Variants in DCAF10 observed in about 807,000 individuals in gnomAD.
DCAF10 encodes the protein DDB1- and CUL4-associated factor 10.
In DCAF10, 19 loss-of-function variants were observed where a neutral mutation model predicts 51.9. That is an observed-to-expected ratio of 0.37 (90% CI 0.26 to 0.54). DCAF10 has a LOEUF of 0.54. Ranked by LOEUF, DCAF10 falls within the 20% of genes least tolerant of loss-of-function variation. The pLI is 0.87. For missense variants in DCAF10, 510 were observed against 730.6 expected (o/e 0.70, Z 3.48); for synonymous variants, 291 against 297.1 (o/e 0.98, Z 0.21).
chr9:37,867,429 G>A lies in DCAF10; in HGVS notation c.*5921G>A, dbSNP rs1306033230. 6.6e-6 allele frequency: 1 copy of A among 151,648 alleles called. No individual in the cohort carries two copies. Among genetic ancestry groups the A allele is most frequent in the African/African-American group, 2.4e-5 (1 of 41,252 alleles). 9.4% of individuals were successfully genotyped at this position (151,648 alleles called of 1,614,324 possible). ...TTTAAATTTCACTGCATCTTCAATTGCCCAACTGTGTTTCCTGATAAATTT... is the reference window on the plus strand; with the variant it reads ...TTTAAATTTCACTGCATCTTCAATTACCCAACTGTGTTTCCTGATAAATTT... On this transcript the variant is annotated 3_prime_UTR_variant, in exon 7 of 7. Transcript: ENST00000377724.
intron 3 of DCAF10, among the ~76,000 whole-genome samples, chr9:37,850,865 TA>T (rs1830625338): frequency 1.2e-5 from 1 of 85,086 alleles, no homozygotes. Flanking sequence ...TATATATATA[TA>T]TATATATATA....
intron 2 of DCAF10, among the ~76,000 whole-genome samples, chr9:37,838,019 T>C (rs1448607938): frequency 6.6e-6 from 1 of 151,010 alleles, no homozygotes; most frequent in Non-Finnish European, 1.5e-5. Flanking sequence ...CAAGACCCTG[T>C]CTCAAGAAAA....
At chr9:37,824,394 C>T (rs973126714) in intron 2 of DCAF10, among the ~76,000 whole-genome samples, 1 of 151,936 alleles carries the variant, frequency 6.6e-6, no homozygotes, top group Non-Finnish European at 1.5e-5. Context: ...AATTCAGACT[C>T]TTCTAGCAAA....
At chr9:37,852,466 T>C (rs922189735) in intron 3 of DCAF10, among the ~76,000 whole-genome samples, 5 of 152,032 alleles carry the variant, frequency 3.3e-5, no homozygotes, top group African/African-American at 1.2e-4. Flanking sequence ...GGAGTGGTGG[T>C]GCACACCTGT....
chr9:37,861,846 CTCTT>C lies in DCAF10; in HGVS notation c.*344_*347del, dbSNP rs986228118. 2.5e-5 allele frequency: 5 copies of C among 198,954 alleles called. No individual in the cohort carries two copies. Among genetic ancestry groups the C allele is most frequent in the Non-Finnish European group, 5.2e-5 (5 of 95,764 alleles). 12.3% of individuals were successfully genotyped at this position (198,954 alleles called of 1,614,324 possible). A position where few individuals can be genotyped will look rare whatever the true frequency, so the allele number is the denominator to read the frequency against. ...TTTCTCTTTCCCTCTCCCTGTCCCT[CTCTT>C]TCTTTGTGTTTGTTGATTTTGGTGT... On this transcript the variant is annotated 3_prime_UTR_variant, in exon 7 of 7. Transcript: ENST00000377724. This position sits in a 1 kb window ranked among gnomAD's most constrained non-coding sequence, Gnocchi z 4.9.
intron 2 of DCAF10, among the ~76,000 whole-genome samples, chr9:37,834,508 T>C (rs1224517768): frequency 2.6e-5 from 4 of 152,162 alleles, no homozygotes; most frequent in African/African-American, 9.7e-5. Context: ...TTTATGAAAG[T>C]CCAACAGTCT....
intron 4 of DCAF10, among the ~76,000 whole-genome samples, chr9:37,856,367 G>A (rs1645356509): frequency 6.6e-6 from 1 of 152,154 alleles, no homozygotes; most frequent in South Asian, 2.1e-4. Context: ...TGCCTTTTAA[G>A]TTAAACATGA....
In DCAF10 at chr9:37,801,373, C is replaced by A; in HGVS notation, c.507C>A (p.Gly169=). The part of the protein sequence containing the change: ...DSVYLSTRTH[G]AVFNLEYSPD... The stretch of plus-strand genomic sequence containing the variant: ...TGTACCTCAGCACCCGCACCCACGG[C>A]GCCGTCTTCAACCTCGAGTACTCGC... Residue 169 remains glycine (G), a synonymous_variant, in exon 1 of 7, where the codon GGC becomes GGA. Coordinates refer to ENST00000377724, the MANE Select transcript of DCAF10 (RefSeq NM_024345.5). The surrounding 1 kb of genome is among the most constrained non-coding windows in gnomAD (Gnocchi z 5.5). 6.5e-7 allele frequency: 1 copy of A among 1,543,468 alleles called. No individual in the cohort carries two copies. The highest frequency in any genetic ancestry group is 8.7e-7 in the Non-Finnish European group (1 of 1,146,682).
At chr9:37,806,595 G>A (rs1010230857) in intron 1 of DCAF10, among the ~76,000 whole-genome samples, 1 of 152,178 alleles carries the variant, frequency 6.6e-6, no homozygotes, top group African/African-American at 2.4e-5. Context: ...CTGTACTACC[G>A]CAGTTGCCAT....
intron 3 of DCAF10, among the ~76,000 whole-genome samples, chr9:37,853,196 C>A (rs1480913128): frequency 1.4e-5 from 2 of 143,322 alleles, no homozygotes; most frequent in Non-Finnish European, 3.0e-5. Context: ...AAAGCGAGAG[C>A]ATTTACCTCA....
rs1830796950 is a variant in DCAF10 at position 37,854,773 on chromosome 9, C to T, written c.852-7C>T. The T allele has an allele frequency of 6.2e-7, 1 of 1,611,812 alleles. No individual in the cohort carries two copies. On this transcript the variant is annotated splice_region_variant and splice_polypyrimidine_tract_variant and intron_variant, in intron 3 of 6. Transcript: ENST00000377724. Reference sequence around the variant, plus strand: ...TCTAGATTTTGTTGGCTTGGTTTCTCCTGTAGGTATACAGAAGATGGGTGT... The same window carrying T: ...TCTAGATTTTGTTGGCTTGGTTTCTTCTGTAGGTATACAGAAGATGGGTGT...
chr9:37,837,753 C>T (rs1034481461), intron 2 of DCAF10, among the ~76,000 whole-genome samples: 5 of 151,890 alleles, frequency 3.3e-5, no homozygotes, highest in Non-Finnish European at 7.4e-5. Flanking sequence ...GTTATGACTT[C>T]TCAGTTTTTC....
rs144631111 is a variant in DCAF10 at position 37,812,782 on chromosome 9, C to T, written c.540-6506C>T. Reference sequence around the variant, plus strand: ...TTGTGTAGCTGGGACCACAGGCACACGCCAGCATGGCTGGCTAATTTTTTT... The same window carrying T: ...TTGTGTAGCTGGGACCACAGGCACATGCCAGCATGGCTGGCTAATTTTTTT... On this transcript the variant is annotated intron_variant, in intron 1 of 6. Coordinates refer to ENST00000377724, the MANE Select transcript of DCAF10 (RefSeq NM_024345.5). Among the ~76,000 whole-genome samples, 314 of 152,186 alleles carry T rather than the reference C, an allele frequency of 2.1e-3. 2 individuals are homozygous for T. Among genetic ancestry groups the T allele is most frequent in the African/African-American group, 7.2e-3 (300 of 41,540 alleles).
intron 2 of DCAF10, among the ~76,000 whole-genome samples, chr9:37,826,352 C>T (rs544199451): frequency 6.6e-6 from 1 of 152,322 alleles, no homozygotes; most frequent in African/African-American, 2.4e-5. Flanking sequence ...TGGCACTTTA[C>T]ATCTACTGGA....
chr9:37,800,892 C>T lies in DCAF10; in HGVS notation c.26C>T (p.Pro9Leu), dbSNP rs565078031. The change falls in exon 1 of 7, where the codon CCT becomes CTT. Residue 9 changes from proline to leucine, a missense_variant. By Grantham distance (98) the Pro-to-Leu change is moderately conservative. Around this residue, in one of 4 missense-constraint regions of DCAF10, gnomAD observed 251 missense variants for 227.9 expected, o/e 1.10. Transcript: ENST00000377724. MFPFGPHS[P>L]GGDGSAGAGA... ...ATGTTTCCCTTTGGGCCCCATAGCC[C>T]TGGAGGGGACGGATCGGCCGGAGCC... 2.3e-5 allele frequency: 34 copies of T among 1,497,750 alleles called. No homozygotes were observed. The African/African-American group carries it at 4.1e-4, about 18-fold the overall frequency. 92.8% of individuals were successfully genotyped at this position (1,497,750 alleles called of 1,614,324 possible). A position where few individuals can be genotyped will look rare whatever the true frequency, so the allele number is the denominator to read the frequency against.
intron 1 of DCAF10, among the ~76,000 whole-genome samples, chr9:37,808,082 A>C (rs1829177180): frequency 6.6e-6 from 1 of 152,170 alleles, no homozygotes; most frequent in South Asian, 2.1e-4. Flanking sequence ...ACAAGTTTCA[A>C]AAGATTGGTA....
rs941092249 is a variant in DCAF10 at position 37,836,388 on chromosome 9, A to G, written c.654-5701A>G. On this transcript the variant is annotated intron_variant, in intron 2 of 6. Transcript: ENST00000377724. ...AACACTATCAGAAGAAAAAGAAGAA[A>G]GCAAGTCTTAAAGCCTCAGGGAGGC... is the stretch of plus-strand genomic sequence containing the variant. 6 of 1,609,480 alleles carry G rather than the reference A, an allele frequency of 3.7e-6. No individual in the cohort carries two copies. The Admixed American group carries it at 1.0e-4, about 27-fold the overall frequency.
chr9:37,853,549 G>A (rs1216344000), intron 3 of DCAF10, among the ~76,000 whole-genome samples: 2 of 150,680 alleles, frequency 1.3e-5, no homozygotes, highest in Non-Finnish European at 2.9e-5. Flanking sequence ...TACATTGACT[G>A]TAAATTCTAT....
chr9:37,830,739 G>A (rs1829982306), intron 2 of DCAF10, among the ~76,000 whole-genome samples: 1 of 152,186 alleles, frequency 6.6e-6, no homozygotes. Flanking sequence ...CTTGTGCCAA[G>A]TTGTTTGCCT....
Sources: gnomAD v4.1 joint callset for allele counts (sites outside exome capture counted in the v4.1 genomes callset) on GRCh38, gnomAD v4.1.1 for gene constraint, gnomAD v4.1.1 regional missense constraint, Gnocchi (gnomAD v3.1) non-coding constraint, MANE v1.5 for transcripts, NCBI Gene and HGNC (gene_info 2026-07-23, HGNC 2026-07-21) for gene names.